Variants in STK32B observed in about 807,000 individuals in gnomAD.
The protein encoded by STK32B is serine/threonine kinase 32B.
In STK32B, 43 loss-of-function variants were observed where a neutral mutation model predicts 52.6. The observed-to-expected ratio is 0.82, with a 90% confidence interval of 0.64 to 1.05. The LOEUF is 1.05. Among genes scored for constraint, STK32B ranks in the 50% least tolerant of loss-of-function variants. The pLI, the probability that STK32B is intolerant of heterozygous loss-of-function variation, is 0.00. For missense variants in STK32B, 621 were observed against 534.6 expected (o/e 1.16, Z -1.59); for synonymous variants, 238 against 204.3 (o/e 1.17, Z -1.41).
At chr4:5,020,446 G>A in the STK32B span, among the ~76,000 whole-genome samples, 5 of 152,166 alleles carry the variant, frequency 3.3e-5, no homozygotes, top group East Asian at 1.9e-4. Flanking sequence ...CCAAGTGATC[G>A]GAGCTAATAG....
chr4:5,048,571 A>T (rs1287932583), upstream of STK32B, among the ~76,000 whole-genome samples: 1 of 152,180 alleles, frequency 6.6e-6, no homozygotes, highest in Non-Finnish European at 1.5e-5. Context: ...TTCTGGGATT[A>T]CAGGTGTGAG....
At chr4:5,302,188 A>G (rs1328105304) in intron 3 of STK32B, among the ~76,000 whole-genome samples, 1 of 146,182 alleles carries the variant, frequency 6.8e-6, no homozygotes, top group Non-Finnish European at 1.5e-5. Context: ...TTTCCATATA[A>G]TTTCAAAATT....
chr4:5,242,413 T>C (rs1297058392), intron 3 of STK32B, among the ~76,000 whole-genome samples: 9 of 152,236 alleles, frequency 5.9e-5, no homozygotes, highest in African/African-American at 2.2e-4. Context: ...TGCCCACTTT[T>C]TGATGGGGTT....
chr4:5,189,559 G>T (rs1005639836), intron 3 of STK32B, among the ~76,000 whole-genome samples: 3 of 152,112 alleles, frequency 2.0e-5, no homozygotes, highest in African/African-American at 7.2e-5. Flanking sequence ...GTAGCCTACC[G>T]AAAGACATCT....
intron 3 of STK32B, among the ~76,000 whole-genome samples, chr4:5,209,070 T>G (rs1047467020): frequency 2.0e-5 from 3 of 152,200 alleles, no homozygotes; most frequent in African/African-American, 7.2e-5. Context: ...GTCTGGAGCT[T>G]CCATCCCAGC....
chr4:5,294,607 T>A (rs1383356571), intron 3 of STK32B, among the ~76,000 whole-genome samples: 1 of 152,166 alleles, frequency 6.6e-6, no homozygotes. Context: ...CGCTTGTAAT[T>A]TTTCCCATTG....
chr4:5,054,492 A>G (rs1741921515), intron 1 of STK32B, among the ~76,000 whole-genome samples: 1 of 142,884 alleles, frequency 7.0e-6, no homozygotes, highest in African/African-American at 2.6e-5. Context: ...GGCAGATGGT[A>G]AAGAGTAAGC....
At chr4:5,260,745 G>A (rs1726657322) in intron 3 of STK32B, among the ~76,000 whole-genome samples, 1 of 152,192 alleles carries the variant, frequency 6.6e-6, no homozygotes, top group African/African-American at 2.4e-5. Flanking sequence ...TTCTTAGGAA[G>A]CAGACTCTGA....
At chr4:5,097,065 A>T (rs531680950) in intron 1 of STK32B, among the ~76,000 whole-genome samples, 4 of 152,354 alleles carry the variant, frequency 2.6e-5, no homozygotes, top group Admixed American at 6.5e-5. Flanking sequence ...CAATTGGTCC[A>T]GTTCTAAAGA....
At position 5,052,988 on chromosome 4, in the gene STK32B, G is replaced by C. The variant is rs555855519; in HGVS notation, c.52+1073G>C. Among the ~76,000 whole-genome samples, 16 of 152,304 alleles carry C rather than the reference G, an allele frequency of 1.1e-4. No individual in the cohort carries two copies. In the South Asian group the frequency reaches 2.1e-3, roughly 20 times the overall value. On this transcript the variant is annotated intron_variant, in intron 1 of 11. Coordinates refer to ENST00000282908, the MANE Select transcript of STK32B (RefSeq NM_018401.3). Reference sequence around the variant, plus strand: ...AAGAAGTAGAGCTGGGCTTGAGGCAGGACAGTCTGCTTTGAAAGCTGTGCC... The same window carrying C: ...AAGAAGTAGAGCTGGGCTTGAGGCACGACAGTCTGCTTTGAAAGCTGTGCC...
intron 6 of STK32B, among the ~76,000 whole-genome samples, chr4:5,440,110 C>A (rs541588685): frequency 2.6e-5 from 4 of 152,138 alleles, no homozygotes; most frequent in South Asian, 4.2e-4. Flanking sequence ...TCCATATGAA[C>A]TTTAAAGTAG....
chr4:5,236,681 T>C lies in STK32B; in HGVS notation c.260+68231T>C, dbSNP rs769058222. 4.6e-4 allele frequency among the ~76,000 whole-genome samples: 70 copies of C among 152,224 alleles called. 1 individual carries two copies. Among genetic ancestry groups the C allele is most frequent in the Admixed American group, 1.8e-3 (28 of 15,286 alleles). On this transcript the variant is annotated intron_variant, in intron 3 of 11. Coordinates refer to ENST00000282908, the MANE Select transcript of STK32B (RefSeq NM_018401.3). Reference sequence around the variant, plus strand: ...TTTGTTCAACAGTGTGTTTGTGAAATTCATCCAGACTGTCACAGGCAGCTG... The same window carrying C: ...TTTGTTCAACAGTGTGTTTGTGAAACTCATCCAGACTGTCACAGGCAGCTG...
chr4:5,214,898 T>G (rs1413416195), intron 3 of STK32B, among the ~76,000 whole-genome samples: 2 of 152,228 alleles, frequency 1.3e-5, no homozygotes, highest in Non-Finnish European at 2.9e-5. Context: ...CATTTTTATC[T>G]TGGGAGAAAT....
At chr4:5,385,291 T>G (rs1285160663) in intron 4 of STK32B, among the ~76,000 whole-genome samples, 1 of 151,774 alleles carries the variant, frequency 6.6e-6, no homozygotes, top group East Asian at 1.9e-4. Flanking sequence ...AAGGTCTGGG[T>G]GTCAGGGCAG....
At chr4:5,137,334 G>C (rs1423970202) in intron 1 of STK32B, among the ~76,000 whole-genome samples, 1 of 152,200 alleles carries the variant, frequency 6.6e-6, no homozygotes, top group Non-Finnish European at 1.5e-5. Context: ...CAGAAGAGAG[G>C]CCACTCCCTA....
At chr4:5,369,962 G>A (rs1431385577) in intron 4 of STK32B, among the ~76,000 whole-genome samples, 4 of 151,450 alleles carry the variant, frequency 2.6e-5, no homozygotes, top group African/African-American at 7.3e-5. Flanking sequence ...TGCAAGCTCC[G>A]CCTCCTGGGT....
At chr4:5,117,750 A>G (rs564022004) in intron 1 of STK32B, among the ~76,000 whole-genome samples, 3 of 152,292 alleles carry the variant, frequency 2.0e-5, no homozygotes, top group Admixed American at 1.3e-4. Flanking sequence ...AAAATTGTAT[A>G]TATTATGTAA....
intron 2 of STK32B, among the ~76,000 whole-genome samples, chr4:5,154,209 G>GTTT (rs1307014327): frequency 8.0e-6 from 1 of 125,180 alleles, no homozygotes; most frequent in African/African-American, 3.0e-5. Flanking sequence ...TGCCTTCCAT[G>GTTT]TCTTTTTTTT....
chr4:5,390,847 A>T (rs1736552087), intron 4 of STK32B, among the ~76,000 whole-genome samples: 1 of 151,942 alleles, frequency 6.6e-6, no homozygotes. Context: ...CCTCTCTCCC[A>T]GTTTCCAGTG....
Sources: gnomAD v4.1 joint callset for allele counts (sites outside exome capture counted in the v4.1 genomes callset) on GRCh38, gnomAD v4.1.1 for gene constraint, MANE v1.5 for transcripts, NCBI Gene and HGNC (gene_info 2026-07-23, HGNC 2026-07-21) for gene names.